Variants in NDC80 observed in about 807,000 individuals in gnomAD.
NDC80 encodes kinetochore protein NDC80 homolog.
NDC80 carries 69 observed loss-of-function variants against 89.3 expected under a neutral mutation model. That is an observed-to-expected ratio of 0.77 (90% CI 0.64 to 0.94). The LOEUF (loss-of-function observed/expected upper bound fraction) is 0.94. Ranked by LOEUF, NDC80 falls within the 40% of genes least tolerant of loss-of-function variation. The pLI is 0.00. For missense variants in NDC80, 593 were observed against 739.6 expected (o/e 0.80, Z 2.30); for synonymous variants, 243 against 255.6 (o/e 0.95, Z 0.47).
chr18:2,590,389 G>A (rs1178742688), intron 10 of NDC80, among the ~76,000 whole-genome samples: 2 of 152,316 alleles, frequency 1.3e-5, no homozygotes, highest in Middle Eastern at 3.4e-3. Flanking sequence ...CAGTTCTAGA[G>A]GCTGTTCCAG....
Position 2,589,249 on chromosome 18 carries a change from C to CA in NDC80, c.815dup (p.Asn272LysfsTer6). The CA allele has an allele frequency of 6.2e-7, 1 of 1,612,122 alleles. No homozygotes were observed. The highest frequency in any genetic ancestry group is 8.5e-7 in the Non-Finnish European group (1 of 1,179,254). ...GCTTTTAAGCTGGAATCATTAGAAG[C>CA]AAAAAACAGAGCATTGAATGAACAG... On this transcript the variant is annotated frameshift_variant, in exon 9 of 17. Coordinates refer to ENST00000261597, the MANE Select transcript of NDC80 (RefSeq NM_006101.3). LOFTEE classifies it high-confidence loss of function.
Position 2,575,329 on chromosome 18 carries a change from C to T in NDC80, c.179+263C>T, listed in dbSNP as rs182038931. Among the ~76,000 whole-genome samples the T allele has an allele frequency of 3.3e-5, 5 of 152,272 alleles. No individual in the cohort carries two copies. In the East Asian group the frequency reaches 5.8e-4, roughly 18 times the overall value. On this transcript the variant is annotated intron_variant, in intron 3 of 16. Transcript: ENST00000261597. ...TAGCTTTCAGACACGGTGGAGTCAT[C>T]GCATTTTAAAATAAGGAGTGGCCAG... is the stretch of plus-strand genomic sequence containing the variant.
At position 2,616,473 on chromosome 18, in the gene NDC80, G is replaced by T; in HGVS notation, c.1828G>T (p.Glu610Ter). ...LEEQIAKVDR[E>*]YEECMSEDLS... ...GGAGCAGATTGCTAAAGTTGATAGA[G>T]AATATGAAGAATGCATGTCAGAAGA... The change falls in exon 17 of 17, where the codon GAA becomes TAA. Residue 610 changes from glutamate to a stop codon, truncating the protein, a stop_gained. Transcript: ENST00000261597. LOFTEE classifies it high-confidence loss of function. 6.5e-7 allele frequency: 1 copy of T among 1,533,804 alleles called. No individual in the cohort carries two copies. Among genetic ancestry groups the T allele is most frequent in the Non-Finnish European group, 8.8e-7 (1 of 1,132,838 alleles).
intron 13 of NDC80, among the ~76,000 whole-genome samples, chr18:2,603,351 T>TTTTATATATATATATA (rs1808476826): frequency 4.9e-5 from 4 of 80,916 alleles, no homozygotes; most frequent in African/African-American, 2.0e-4. Context: ...GAGAATATGT[T>TTTTATATATATATATA]TATACATATA....
intron 6 of NDC80, among the ~76,000 whole-genome samples, chr18:2,580,018 T>C (rs1281923028): frequency 6.6e-6 from 1 of 151,558 alleles, no homozygotes; most frequent in Non-Finnish European, 1.5e-5. Context: ...TTATTTTTCT[T>C]TTAACTTGCT....
intron 13 of NDC80, among the ~76,000 whole-genome samples, chr18:2,605,511 G>T (rs8087082): frequency 0.015 from 2,346 of 152,180 alleles, 62 homozygotes; most frequent in African/African-American, 0.054. Flanking sequence ...GTTATTACAA[G>T]TGAATTTAAA....
chr18:2,604,672 C>A (rs1454989139), intron 13 of NDC80, among the ~76,000 whole-genome samples: 1 of 152,054 alleles, frequency 6.6e-6, no homozygotes, highest in Non-Finnish European at 1.5e-5. Flanking sequence ...CAAAGTGAGA[C>A]CCTTTCTCCA....
intron 12 of NDC80, among the ~76,000 whole-genome samples, chr18:2,599,458 CTTAA>C (rs1278656637): frequency 6.6e-6 from 1 of 152,024 alleles, no homozygotes; most frequent in Non-Finnish European, 1.5e-5. Context: ...TATATATGTG[CTTAA>C]TTAGAAGTCT....
chr18:2,612,355 T>A (rs1256490681), intron 16 of NDC80, among the ~76,000 whole-genome samples: 1 of 135,638 alleles, frequency 7.4e-6, no homozygotes, highest in Non-Finnish European at 1.5e-5. Context: ...AATGGCGCGA[T>A]CTCGGCTCAC....
intron 13 of NDC80, among the ~76,000 whole-genome samples, chr18:2,606,033 A>G (rs1250665340): frequency 6.6e-6 from 1 of 152,000 alleles, no homozygotes; most frequent in African/African-American, 2.4e-5. Flanking sequence ...GAAAATGAAC[A>G]TACAAATGAA....
chr18:2,614,453 A>AGAGAGAGAGAGAGAGAGAGAGAG (rs1194290545), intron 16 of NDC80: 4 of 5,910 alleles, frequency 6.8e-4, no homozygotes, highest in African/African-American at 2.4e-3. Context: ...GAAAGAAAGA[A>AGAGAGAGAGAGAGAGAGAGAGAG]AGAAAGAAAG....
chr18:2,601,123 A>C (rs2072681959), intron 12 of NDC80, among the ~76,000 whole-genome samples: 1 of 152,222 alleles, frequency 6.6e-6, no homozygotes, highest in Non-Finnish European at 1.5e-5. Flanking sequence ...TGTACTTGTA[A>C]AATGTTTAAA....
Position 2,599,029 on chromosome 18 carries a change from A to T in NDC80, c.1232A>T (p.Gln411Leu), listed in dbSNP as rs1375616192. 6.2e-7 allele frequency: 1 copy of T among 1,609,264 alleles called. No individual in the cohort carries two copies. The highest frequency in any genetic ancestry group is 1.7e-5 in the Admixed American group (1 of 59,318). ...GTTCTGTTCTTACAGATTGAAACAC[A>T]ATTAGCAGAGTATCACAAATTGGCT... ...YARGKEAIET[Q>L]LAEYHKLARK... Residue 411 changes from glutamine (Q) to leucine (L), a missense_variant, in exon 12 of 17, where the codon CAA becomes CTA. Physicochemically the swap from Gln to Leu is moderately radical, Grantham distance 113. Coordinates refer to ENST00000261597, the MANE Select transcript of NDC80 (RefSeq NM_006101.3).
rs150156156 is a variant in NDC80, at chr18:2,601,436, T to G, written c.1415T>G (p.Ile472Ser). Residue 472 changes from isoleucine to serine, a missense_variant, in exon 13 of 17, where the codon ATT becomes AGT. Physicochemically the swap from Ile to Ser is moderately radical, Grantham distance 142 (BLOSUM62 -2). Transcript: ENST00000261597. ...KELLNETEEE[I>S]NKALNKKMGL... The stretch of plus-strand genomic sequence containing the variant: ...CTCCTGAATGAAACTGAAGAAGAAA[T>G]TAATAAAGCCCTAAATAAAAAAATG... 1 of 1,529,708 alleles carries G rather than the reference T, an allele frequency of 6.5e-7. No homozygotes were observed. The highest frequency in any genetic ancestry group is 1.4e-5 in the African/African-American group (1 of 72,558). The allele number at this position is 1,529,708 out of a possible 1,614,324, so 94.8% of individuals were successfully genotyped here.
chr18:2,575,327 A>G (rs2053488804), intron 3 of NDC80, among the ~76,000 whole-genome samples: 1 of 152,230 alleles, frequency 6.6e-6, no homozygotes, highest in Admixed American at 6.5e-5. Context: ...CGGTGGAGTC[A>G]TCGCATTTTA....
At chr18:2,586,963 A>G (rs1189104495) in intron 7 of NDC80, among the ~76,000 whole-genome samples, 1 of 152,188 alleles carries the variant, frequency 6.6e-6, no homozygotes, top group Non-Finnish European at 1.5e-5. Context: ...TAAGATCAAA[A>G]TTGACCAAGC....
intron 16 of NDC80, chr18:2,614,590 A>G (rs1270022256): frequency 5.5e-4 from 2 of 3,628 alleles, no homozygotes; most frequent in Admixed American, 4.2e-3. Flanking sequence ...AGAAAGAAAG[A>G]AAGAAAGAAA....
chr18:2,572,945 G>A lies in NDC80; in HGVS notation c.-9-32G>A, dbSNP rs972596193. The A allele has an allele frequency of 3.2e-6, 5 of 1,567,708 alleles. No homozygotes were observed. In the African/African-American group the frequency reaches 6.8e-5, roughly 21 times the overall value. On this transcript the variant is annotated intron_variant, in intron 1 of 16. Transcript: ENST00000261597. ...TTAATGTACCATCTCTGTCTGGAAA[G>A]TTTTTTTTAAATACTGAATTCGTGA...
intron 13 of NDC80, among the ~76,000 whole-genome samples, chr18:2,604,549 G>A (rs1468679628): frequency 6.6e-6 from 1 of 152,166 alleles, no homozygotes; most frequent in Non-Finnish European, 1.5e-5. Context: ...GGATGTAGTG[G>A]CATGCACCTG....
Sources: allele counts gnomAD v4.1 joint callset (sites outside exome capture counted in the v4.1 genomes callset), GRCh38; gene constraint gnomAD v4.1.1; transcripts MANE v1.5; gene names NCBI Gene and HGNC (gene_info 2026-07-23, HGNC 2026-07-21).